INSYN2A: variants seen among roughly 807,000 people sequenced by gnomAD.
INSYN2A encodes the protein inhibitory synaptic factor 2A, also known as family with sequence similarity 196 member A.
A neutral mutation model predicts 39.4 loss-of-function variants in INSYN2A; 17 were observed. The ratio of observed to expected loss-of-function variants is 0.43; its 90% CI spans 0.30 to 0.65. The LOEUF is 0.65. Among genes scored for constraint, INSYN2A ranks in the 30% least tolerant of loss-of-function variants. The pLI is 0.14. For synonymous variants in INSYN2A, 255 were observed against 265.7 expected (o/e 0.96, Z 0.39); for missense variants, 595 against 631.2 (o/e 0.94, Z 0.61).
At chr10:127,172,291 C>T (rs1471896352) in intron 4 of INSYN2A, among the ~76,000 whole-genome samples, 1 of 152,058 alleles carries the variant, frequency 6.6e-6, no homozygotes, top group Non-Finnish European at 1.5e-5. Flanking sequence ...TGAAATTGGC[C>T]ACGGTAGCAG....
At position 127,175,221 on chromosome 10, in the gene INSYN2A, T is replaced by C. The variant is rs1452661243; in HGVS notation, c.1175A>G (p.His392Arg). 3.7e-6 allele frequency: 6 copies of C among 1,612,858 alleles called. No homozygotes were observed. Among genetic ancestry groups the C allele is most frequent in the Non-Finnish European group, 5.1e-6 (6 of 1,179,314 alleles). Residue 392 changes from histidine (H) to arginine (R), a missense_variant, in exon 4 of 6, where the codon CAT (histidine) becomes CGT (arginine). His to Arg is a conservative substitution (Grantham distance 29). This residue lies in a region of INSYN2A where 117 missense variants were observed against 163.8 expected (regional missense o/e 0.71). Coordinates refer to ENST00000522781, the MANE Select transcript of INSYN2A (RefSeq NM_001039762.3). This position sits in a 1 kb window ranked among gnomAD's most constrained non-coding sequence, Gnocchi z 6.3. ...VIQELEKGEA[H>R]REGLSYRTGQ... ...GGGTGAACATACATACCCTTCCCGATGGGCCTCTCCTTTTTCCAACTCCTG... is the reference window on the plus strand; with the variant it reads ...GGGTGAACATACATACCCTTCCCGACGGGCCTCTCCTTTTTCCAACTCCTG...
intron 5 of INSYN2A, among the ~76,000 whole-genome samples, chr10:127,152,023 A>G (rs7916921): frequency 3.5e-5 from 2 of 56,522 alleles, no homozygotes; most frequent in Non-Finnish European, 7.3e-5. Context: ...ATATATATAT[A>G]TTTTTTTTCG....
chr10:127,186,507 G>GCCCCCCCCC (rs1326283340), intron 2 of INSYN2A, among the ~76,000 whole-genome samples: 1 of 5,912 alleles, frequency 1.7e-4, no homozygotes, highest in African/African-American at 3.2e-4. Context: ...GGGAGAAACC[G>GCCCCCCCCC]CCCCCCCGCC....
intron 4 of INSYN2A, among the ~76,000 whole-genome samples, chr10:127,154,466 C>T (rs535990878): frequency 1.3e-5 from 2 of 152,264 alleles, no homozygotes; most frequent in East Asian, 3.9e-4. Flanking sequence ...ATCCGAAATT[C>T]AAATTTCAGT....
At chr10:127,194,485 G>A (rs1233235376) in intron 1 of INSYN2A, among the ~76,000 whole-genome samples, 1 of 152,250 alleles carries the variant, frequency 6.6e-6, no homozygotes, top group Non-Finnish European at 1.5e-5. Flanking sequence ...ATAGTACAGT[G>A]TGGGGGAATA....
chr10:127,173,180 C>T (rs776395096), intron 4 of INSYN2A, among the ~76,000 whole-genome samples: 3 of 152,180 alleles, frequency 2.0e-5, no homozygotes, highest in African/African-American at 7.2e-5. Context: ...GACATCTACC[C>T]ATTCAGACAC....
chr10:127,174,057 A>G (rs2054834274), intron 4 of INSYN2A, among the ~76,000 whole-genome samples: 1 of 152,188 alleles, frequency 6.6e-6, no homozygotes, highest in African/African-American at 2.4e-5. Context: ...TTTCCTCCCC[A>G]TTCTTTGCAG....
chr10:127,144,097 C>G (rs1487946295), intron 5 of INSYN2A, among the ~76,000 whole-genome samples: 2 of 152,268 alleles, frequency 1.3e-5, no homozygotes, highest in South Asian at 2.1e-4. Context: ...TTCCACTGCT[C>G]TAGTCCAGAA....
chr10:127,163,188 TTTGTTCC>T (rs1430509973), intron 4 of INSYN2A, among the ~76,000 whole-genome samples: 5 of 152,186 alleles, frequency 3.3e-5, no homozygotes, highest in Admixed American at 6.5e-5. Flanking sequence ...GGAACATGTC[TTTGTTCC>T]TCTTCACAAT....
At chr10:127,139,871 G>T (rs2051055277) in intron 5 of INSYN2A, among the ~76,000 whole-genome samples, 1 of 152,070 alleles carries the variant, frequency 6.6e-6, no homozygotes, top group Non-Finnish European at 1.5e-5. Context: ...AAATATTATT[G>T]TACCATTATT....
intron 5 of INSYN2A, among the ~76,000 whole-genome samples, chr10:127,144,756 A>G (rs1679805817): frequency 6.6e-6 from 1 of 152,216 alleles, no homozygotes; most frequent in African/African-American, 2.4e-5. Context: ...CTTTAAATAT[A>G]GAAATGATTC....
chr10:127,164,212 C>CCTGCT (rs1347831103), intron 4 of INSYN2A, among the ~76,000 whole-genome samples: 41 of 110,692 alleles, frequency 3.7e-4, no homozygotes, highest in African/African-American at 1.4e-3. Flanking sequence ...GAGACAGAGT[C>CCTGCT]CTGCTCTGTC....
Position 127,175,393 on chromosome 10 carries a change from G to C in INSYN2A, c.1003C>G (p.Pro335Ala). The C allele has an allele frequency of 1.2e-6, 2 of 1,613,754 alleles. No homozygotes were observed. The highest frequency in any genetic ancestry group is 1.7e-6 in the Non-Finnish European group (2 of 1,180,044). ...THTPPGLGNQPSPTAVAAGEE... is the reference protein window; with the variant it reads ...THTPPGLGNQASPTAVAAGEE... ...CCTGCAGCAACCGCTGTGGGACTAG[G>C]CTGGTTCCCCAGCCCCGGCGGGGTG... The change falls in exon 4 of 6, where the codon CCT (proline) becomes GCT (alanine). Residue 335 changes from proline (P) to alanine (A), a missense_variant. Physicochemically the swap from Pro to Ala is conservative, Grantham distance 27. Transcript: ENST00000522781. The surrounding 1 kb of genome is among the most constrained non-coding windows in gnomAD (Gnocchi z 6.3).
intron 4 of INSYN2A, among the ~76,000 whole-genome samples, chr10:127,167,248 G>T (rs1368695006): frequency 6.6e-6 from 1 of 152,136 alleles, no homozygotes. Context: ...TCAAAGAAAT[G>T]ATAACTTATA....
chr10:127,153,702 G>T (rs189618037), intron 5 of INSYN2A, 150 bp downstream of exon 5: 20 of 638,546 alleles, frequency 3.1e-5, no homozygotes, highest in African/African-American at 2.9e-4. Context: ...GGGGTATTTA[G>T]AGGTAGCTTA....
intron 2 of INSYN2A, among the ~76,000 whole-genome samples, chr10:127,179,747 C>G (rs2055545690): frequency 6.6e-6 from 1 of 152,204 alleles, no homozygotes; most frequent in Non-Finnish European, 1.5e-5. Flanking sequence ...GGAACCTTCT[C>G]CCACACTATT....
intron 4 of INSYN2A, among the ~76,000 whole-genome samples, 184 bp from the exon 5 acceptor site, chr10:127,154,107 T>C (rs561618751): frequency 1.4e-4 from 22 of 152,368 alleles, no homozygotes; most frequent in Non-Finnish European, 2.8e-4. Flanking sequence ...ATGCAACACC[T>C]ACAGCTAAGA....
chr10:127,195,701 G>A lies in INSYN2A; in HGVS notation c.-395+296C>T, dbSNP rs1006186193. On this transcript the variant is annotated intron_variant, in intron 1 of 5. Transcript: ENST00000522781. ...GCGTCTGTCTGGAACCCACATCGCA[G>A]AGGCGCAGCCCCGCTCCTCCCTGAC... Among the ~76,000 whole-genome samples the A allele has an allele frequency of 3.9e-5, 6 of 152,232 alleles. No homozygotes were observed. In the South Asian group the frequency reaches 8.3e-4, roughly 21 times the overall value.
In INSYN2A at chr10:127,145,614, C is replaced by T. The variant is rs375975092; in HGVS notation, c.1257-7594G>A. ...GTGGGATCCCATGACCCAGGGCCAT[C>T]ACCTTGCCTGCCTGTCTCCTTTTGA... is the stretch of plus-strand genomic sequence containing the variant. On this transcript the variant is annotated intron_variant, in intron 5 of 5. Coordinates refer to ENST00000522781, the MANE Select transcript of INSYN2A (RefSeq NM_001039762.3). 1.4e-4 allele frequency among the ~76,000 whole-genome samples: 22 copies of T among 152,290 alleles called. No individual in the cohort carries two copies. The East Asian group carries it at 2.5e-3, about 17-fold the overall frequency.
Sources: gnomAD v4.1 joint callset for allele counts (sites outside exome capture counted in the v4.1 genomes callset) on GRCh38, gnomAD v4.1.1 for gene constraint, gnomAD v4.1.1 regional missense constraint, Gnocchi (gnomAD v3.1) non-coding constraint, MANE v1.5 for transcripts, NCBI Gene and HGNC (gene_info 2026-07-23, HGNC 2026-07-21) for gene names.